The following DTNA variants were observed in gnomAD, a reference collection of about 807,000 sequenced individuals.
The protein encoded by DTNA is dystrobrevin alpha, also known as dystrophin-related protein 3.
In DTNA, 43 loss-of-function variants were observed where a neutral mutation model predicts 100.7. The observed-to-expected ratio is 0.43, with a 90% confidence interval of 0.33 to 0.55. The LOEUF is 0.55. Ranked by LOEUF, DTNA falls within the 20% of genes least tolerant of loss-of-function variation. The probability of loss-of-function intolerance (pLI) is 0.04; values close to 1 mark genes in which losing one functional copy is unlikely to be tolerated. For synonymous variants in DTNA, 349 were observed against 347.9 expected, an observed-to-expected ratio of 1.00 and a Z score of -0.04; for missense variants, 798 against 953.9, an observed-to-expected ratio of 0.84 and a Z score of 2.15.
chr18:34,877,034 AAAT>A (rs2096825575), intron 18 of DTNA, among the ~76,000 whole-genome samples: 1 of 152,180 alleles, frequency 6.6e-6, no homozygotes, highest in Admixed American at 6.5e-5. Flanking sequence ...GCCTGAAACA[AAAT>A]AATAATCTTT....
chr18:34,859,364 C>T (rs2150070276), intron 16 of DTNA, among the ~76,000 whole-genome samples: 1 of 152,288 alleles, frequency 6.6e-6, no homozygotes, highest in Non-Finnish European at 1.5e-5. Context: ...GAGCCAGCTC[C>T]CGTAAGCGGT....
chr18:34,655,834 G>A (rs886645686), intron 1 of DTNA, among the ~76,000 whole-genome samples: 1 of 152,104 alleles, frequency 6.6e-6, no homozygotes, highest in African/African-American at 2.4e-5. Context: ...GACTCATAAC[G>A]TTGCTATGGA....
chr18:34,689,943 G>T lies in DTNA; in HGVS notation c.-1-66033G>T, dbSNP rs141508218. The stretch of plus-strand genomic sequence containing the variant: ...AACTCCCAGTGGCTTTGTTTACACT[G>T]TGAGAGGAAAACCACCTACTCAAGC... On this transcript the variant is annotated intron_variant, in intron 1 of 19. Coordinates refer to the DTNA transcript ENST00000283365. 2.3e-3 allele frequency among the ~76,000 whole-genome samples: 349 copies of T among 152,306 alleles called. 2 individuals are homozygous for T. The highest frequency in any genetic ancestry group is 3.9e-3 in the South Asian group (19 of 4,828).
chr18:34,647,845 C>T (rs546731946), intron 1 of DTNA, among the ~76,000 whole-genome samples: 1 of 152,298 alleles, frequency 6.6e-6, no homozygotes, highest in Non-Finnish European at 1.5e-5. Context: ...TACAACAGTG[C>T]TTAGTGCACA....
chr18:34,643,641 C>A (rs2059532252), intron 1 of DTNA, among the ~76,000 whole-genome samples: 1 of 152,216 alleles, frequency 6.6e-6, no homozygotes, highest in Non-Finnish European at 1.5e-5. Flanking sequence ...CTTGTCTAGG[C>A]TCTTGGTCAG....
At chr18:34,526,510 A>G (rs1247724587) in intron 1 of DTNA, among the ~76,000 whole-genome samples, 2 of 152,126 alleles carry the variant, frequency 1.3e-5, no homozygotes, top group African/African-American at 2.4e-5. Flanking sequence ...TAAAATACTG[A>G]TAACAGTTCC....
chr18:34,890,367 T>A lies in DTNA; in HGVS notation c.*2633T>A, dbSNP rs944949282. 15 of 1,535,992 alleles carry A rather than the reference T, an allele frequency of 9.8e-6. No homozygotes were observed. The African/African-American group carries it at 1.5e-4, about 15-fold the overall frequency. On this transcript the variant is annotated 3_prime_UTR_variant, in exon 23 of 23. Transcript: ENST00000444659. ...GTAAGCGAGACAAAATGGCGTGTGT[T>A]ATTTTGGGGTTTTGTGTTTTTTGGT... is the stretch of plus-strand genomic sequence containing the variant.
chr18:34,586,103 C>CCTTTGA (rs2049106312), intron 1 of DTNA, among the ~76,000 whole-genome samples: 1 of 152,166 alleles, frequency 6.6e-6, no homozygotes. Context: ...TGTTATGTTT[C>CCTTTGA]AGTGAACTAT....
intron 1 of DTNA, among the ~76,000 whole-genome samples, chr18:34,659,477 A>G (rs1191295242): frequency 6.6e-6 from 1 of 152,194 alleles, no homozygotes. Flanking sequence ...CAGCCCAGGT[A>G]TAAGGCAGGC....
rs12604414 is a variant in DTNA, at chr18:34,695,772, A to G, written c.-1-60204A>G. ...GACCAGATCCTAATGCCTTTGAAAT[A>G]CTTTTTACAGAATACAGAATAAAGT... On this transcript the variant is annotated intron_variant, in intron 1 of 19. Coordinates refer to the DTNA transcript ENST00000283365. Among the ~76,000 whole-genome samples the G allele has an allele frequency of 3.9e-5, 6 of 152,316 alleles. No individual in the cohort carries two copies. In the East Asian group the frequency reaches 1.2e-3, roughly 29 times the overall value.
intron 1 of DTNA, among the ~76,000 whole-genome samples, chr18:34,578,147 A>AT (rs753456522): frequency 5.9e-4 from 82 of 140,070 alleles, no homozygotes; most frequent in Admixed American, 1.2e-3. Context: ...TTTTTTTTTT[A>AT]TTTTTTTATT....
chr18:34,549,326 AT>A, intron 1 of DTNA, among the ~76,000 whole-genome samples: 1 of 152,088 alleles, frequency 6.6e-6, no homozygotes. Flanking sequence ...TATATAAAGC[AT>A]TTTATAATCG....
At chr18:34,736,583 TA>T (rs1227280127) in intron 1 of DTNA, among the ~76,000 whole-genome samples, 2 of 152,148 alleles carry the variant, frequency 1.3e-5, no homozygotes, top group Non-Finnish European at 2.9e-5. Flanking sequence ...GTCAACTTTA[TA>T]AAGATAAAAA....
At chr18:34,626,529 G>A (rs1599250197) in intron 1 of DTNA, among the ~76,000 whole-genome samples, 1 of 152,248 alleles carries the variant, frequency 6.6e-6, no homozygotes, top group East Asian at 1.9e-4. Context: ...ATCTTTGAGA[G>A]TTACAAACTG....
chr18:34,833,400 G>C (rs999805203), intron 11 of DTNA, among the ~76,000 whole-genome samples: 1 of 146,690 alleles, frequency 6.8e-6, no homozygotes, highest in African/African-American at 2.6e-5. Flanking sequence ...AACCCATTGT[G>C]TCACTGTGTG....
chr18:34,757,293 G>A (rs1477253871), intron 2 of DTNA: 1 of 152,152 alleles, frequency 6.6e-6, no homozygotes, highest in Non-Finnish European at 1.5e-5. Flanking sequence ...AGCCTAGTGA[G>A]TACTTGTCCA....
intron 1 of DTNA, among the ~76,000 whole-genome samples, chr18:34,675,334 C>T (rs975947101): frequency 1.3e-5 from 2 of 152,048 alleles, no homozygotes; most frequent in African/African-American, 4.8e-5. Flanking sequence ...AAAAGTCATA[C>T]CCTCAAAAGA....
chr18:34,851,962 C>A lies in DTNA; in HGVS notation c.1532+34C>A. 3 of 1,597,960 alleles carry A rather than the reference C, an allele frequency of 1.9e-6. No individual in the cohort carries two copies. In the South Asian group the frequency reaches 3.3e-5, roughly 18 times the overall value. ...TTGTAGACGTGCTGGCTTGTTTGAT[C>A]AATGTGCGCATTCCTTAATAAACTA... On this transcript the variant is annotated intron_variant, in intron 15 of 22. Coordinates refer to ENST00000444659, the MANE Select transcript of DTNA (RefSeq NM_001386795.1).
intron 1 of DTNA, among the ~76,000 whole-genome samples, chr18:34,675,043 G>A (rs1274819492): frequency 6.6e-6 from 1 of 152,124 alleles, no homozygotes; most frequent in Non-Finnish European, 1.5e-5. Context: ...AGGTCTGGAT[G>A]GGACCTGTGG....
Sources: gnomAD v4.1 joint callset for allele counts (sites outside exome capture counted in the v4.1 genomes callset) on GRCh38, gnomAD v4.1.1 for gene constraint, MANE v1.5 for transcripts, NCBI Gene and HGNC (gene_info 2026-07-23, HGNC 2026-07-21) for gene names.